Variants in PPP2R3B observed in about 807,000 individuals in gnomAD.
The protein encoded by PPP2R3B is protein phosphatase 2 regulatory subunit B''beta.
PPP2R3B carries 68 observed loss-of-function variants against 72.9 expected under a neutral mutation model. The ratio of observed to expected loss-of-function variants is 0.93; its 90% CI spans 0.77 to 1.14. PPP2R3B has a LOEUF of 1.14. PPP2R3B is among the 50% of genes most tolerant of loss of function. The pLI is 0.00. For synonymous variants in PPP2R3B, 466 were observed against 375.8 expected (o/e 1.24, Z -2.78); for missense variants, 1,018 against 842.0 (o/e 1.21, Z -2.59).
chrX:347,068 T>C (rs1313341292), intron 4 of PPP2R3B, among the ~76,000 whole-genome samples, 166 bp downstream of exon 4: 6 of 145,018 alleles, frequency 4.1e-5, no homozygotes, highest in Non-Finnish European at 4.5e-5. Flanking sequence ...GGATGAGGCA[T>C]GTGGTGTAGA....
intron 1 of PPP2R3B, among the ~76,000 whole-genome samples, chrX:377,670 C>T (rs1204137953): frequency 1.5e-5 from 2 of 134,912 alleles, no homozygotes; most frequent in African/African-American, 6.1e-5. Flanking sequence ...GCCGTCCACA[C>T]CCAGTGGGGC....
intron 2 of PPP2R3B, 64 bp downstream of exon 2, chrX:361,341 C>T (rs997972025): frequency 4.8e-5 from 76 of 1,583,734 alleles, no homozygotes; most frequent in Middle Eastern, 1.9e-4. Flanking sequence ...ACGGCCGCTC[C>T]GCCTCACCCT....
intron 1 of PPP2R3B, among the ~76,000 whole-genome samples, chrX:372,078 C>G (rs1487795506): frequency 1.3e-5 from 2 of 152,180 alleles, no homozygotes; most frequent in Non-Finnish European, 2.9e-5. Context: ...CTCATCCAGC[C>G]ACGTGCGAGC....
intron 5 of PPP2R3B, 100 bp from the exon 6 acceptor site, chrX:346,360 A>G (rs1184424501): frequency 1.9e-5 from 23 of 1,217,444 alleles, no homozygotes; most frequent in Non-Finnish European, 2.4e-5. Context: ...CCTTGGTCTC[A>G]GCCGCACGGG....
chrX:378,313 T>A (rs1168281770), intron 1 of PPP2R3B, among the ~76,000 whole-genome samples: 1 of 152,212 alleles, frequency 6.6e-6, no homozygotes, highest in East Asian at 1.9e-4. Flanking sequence ...AAAATTTTCA[T>A]AAAAATCTCT....
intron 4 of PPP2R3B, 89 bp from the exon 5 acceptor site, chrX:346,864 C>T: frequency 8.1e-7 from 1 of 1,238,500 alleles, no homozygotes; most frequent in South Asian, 1.3e-5. Flanking sequence ...CGGACCCTCC[C>T]GTGAGCGATG....
At chrX:380,887 C>T (rs1017008706) in intron 1 of PPP2R3B, among the ~76,000 whole-genome samples, 3 of 150,078 alleles carry the variant, frequency 2.0e-5, no homozygotes, top group Non-Finnish European at 4.4e-5. Context: ...TCCCCCCTAG[C>T]AGAAGCACCC....
intron 12 of PPP2R3B, chrX:335,894 A>G (rs6645088): frequency 0.87 from 131,660 of 152,042 alleles, 57,203 homozygotes; most frequent in African/African-American, 0.92. Flanking sequence ...AAGGCTGGGC[A>G]GGGGCTCACA....
chrX:352,639 C>T (rs1459076007), intron 2 of PPP2R3B, among the ~76,000 whole-genome samples: 4 of 149,948 alleles, frequency 2.7e-5, no homozygotes, highest in South Asian at 4.2e-4. Flanking sequence ...GAAACACCGC[C>T]GGCCCCAAGG....
At chrX:376,480 C>T (rs2071997841) in intron 1 of PPP2R3B, among the ~76,000 whole-genome samples, 1 of 151,316 alleles carries the variant, frequency 6.6e-6, no homozygotes, top group South Asian at 2.1e-4. Context: ...GGGCCGTCCA[C>T]AGTGGGGCCG....
chrX:383,577 C>A (rs763991086), intron 1 of PPP2R3B, among the ~76,000 whole-genome samples: 1 of 152,068 alleles, frequency 6.6e-6, no homozygotes, highest in African/African-American at 2.4e-5. Flanking sequence ...GTGGCTCACA[C>A]CTGTAATCCC....
intron 1 of PPP2R3B, 107 bp from the exon 2 acceptor site, chrX:361,697 C>G (rs2071545247): frequency 6.2e-6 from 8 of 1,300,000 alleles, no homozygotes; most frequent in Non-Finnish European, 7.6e-6. Context: ...CTGAGGCCAC[C>G]TGATCCCAGC....
At chrX:379,526 C>A (rs1390390776) in intron 1 of PPP2R3B, among the ~76,000 whole-genome samples, 1 of 152,174 alleles carries the variant, frequency 6.6e-6, no homozygotes, top group Non-Finnish European at 1.5e-5. Context: ...TCTCCAAATA[C>A]CCTGTTCTAA....
chrX:358,078 C>CCCTCATTCAGTCACTCA (rs1235802176), intron 2 of PPP2R3B, among the ~76,000 whole-genome samples: 2 of 152,228 alleles, frequency 1.3e-5, no homozygotes, highest in Non-Finnish European at 2.9e-5. Flanking sequence ...TGACTCCAGG[C>CCCTCATTCAGTCACTCA]CCTCATTCAG....
intron 2 of PPP2R3B, among the ~76,000 whole-genome samples, chrX:351,293 G>A (rs1353301688): frequency 3.9e-5 from 6 of 152,152 alleles, no homozygotes; most frequent in Admixed American, 1.3e-4. Flanking sequence ...CTAGTCCCAC[G>A]CTTTTGACCT....
chrX:383,821 G>C, intron 1 of PPP2R3B, among the ~76,000 whole-genome samples: 1 of 111,866 alleles, frequency 8.9e-6, no homozygotes, highest in East Asian at 3.0e-4. Flanking sequence ...CTGGGGGACA[G>C]AGCGAGACTC....
At chrX:380,315 C>T (rs1329701668) in intron 1 of PPP2R3B, among the ~76,000 whole-genome samples, 1 of 152,134 alleles carries the variant, frequency 6.6e-6, no homozygotes. Context: ...ATTGTCTTAC[C>T]AAGGACTTGC....
intron 10 of PPP2R3B, among the ~76,000 whole-genome samples, chrX:340,315 G>T (rs1215788479): frequency 6.6e-6 from 1 of 150,862 alleles, no homozygotes; most frequent in South Asian, 2.1e-4. Context: ...AGGTTCTCTA[G>T]GTCACCCCTC....
intron 1 of PPP2R3B, among the ~76,000 whole-genome samples, chrX:383,937 C>A (rs1214476328): frequency 1.3e-5 from 2 of 149,860 alleles, no homozygotes; most frequent in Non-Finnish European, 3.0e-5. Context: ...CCTTATTATA[C>A]CCCTCCTGCT....
Sources: gnomAD v4.1 joint callset for allele counts (sites outside exome capture counted in the v4.1 genomes callset) on GRCh38, gnomAD v4.1.1 for gene constraint, MANE v1.5 for transcripts, NCBI Gene and HGNC (gene_info 2026-07-23, HGNC 2026-07-21) for gene names.